PPFIA1: variants seen among roughly 807,000 people sequenced by gnomAD.
PPFIA1 encodes PPFI scaffold protein A1, also known as liprin-alpha-1.
Under a neutral mutation model 149.9 loss-of-function variants are expected in PPFIA1, and 25 were observed. The ratio of observed to expected loss-of-function variants is 0.17; its 90% CI spans 0.12 to 0.23. The LOEUF (loss-of-function observed/expected upper bound fraction) is 0.23, where lower values mean the gene tolerates loss of function less well. Ranked by LOEUF, PPFIA1 falls within the 10% of genes least tolerant of loss-of-function variation. The pLI, the probability that PPFIA1 is intolerant of heterozygous loss-of-function variation, is 1.00. For missense variants in PPFIA1, 1,362 were observed against 1,506.5 expected, an observed-to-expected ratio of 0.90 and a Z score of 1.59; for synonymous variants, 549 against 552.8, an observed-to-expected ratio of 0.99 and a Z score of 0.10.
chr11:70,294,665 A>G (rs987111772), intron 2 of PPFIA1, among the ~76,000 whole-genome samples: 1 of 151,584 alleles, frequency 6.6e-6, no homozygotes, highest in Non-Finnish European at 1.5e-5. Context: ...CAAGTGAACA[A>G]AGGTCTCTGG....
chr11:70,359,613 T>TA (rs2056533256), intron 19 of PPFIA1, among the ~76,000 whole-genome samples: 1 of 152,160 alleles, frequency 6.6e-6, no homozygotes, highest in Admixed American at 6.5e-5. Context: ...TATATTTAGT[T>TA]TCGATAGTTG....
rs1013029347 is a variant in PPFIA1, at chr11:70,358,907, C to G, written c.2582+2653C>G. 2.0e-5 allele frequency among the ~76,000 whole-genome samples: 3 copies of G among 152,170 alleles called. No individual in the cohort carries two copies. In the East Asian group the frequency reaches 5.8e-4, roughly 29 times the overall value. ...CCACAGCACTTTTAGAATTCCCCAGCGTTCTTGAAACACCATCTCTTGAAG... is the reference window on the plus strand; with the variant it reads ...CCACAGCACTTTTAGAATTCCCCAGGGTTCTTGAAACACCATCTCTTGAAG... On this transcript the variant is annotated intron_variant, in intron 19 of 27. Transcript: ENST00000253925.
Position 70,378,209 on chromosome 11 carries a change from C to T in PPFIA1, c.3550+14C>T, listed in dbSNP as rs1375256726. On this transcript the variant is annotated intron_variant, in intron 26 of 27. Coordinates refer to ENST00000253925, the MANE Select transcript of PPFIA1 (RefSeq NM_003626.5). Reference sequence around the variant, plus strand: ...TGCAGATGGACGGTATGTGATGGGTCACACTAACCTGTCACTTGTTGGGAG... The same window carrying T: ...TGCAGATGGACGGTATGTGATGGGTTACACTAACCTGTCACTTGTTGGGAG... The T allele has an allele frequency of 3.7e-6, 6 of 1,606,178 alleles. No individual in the cohort carries two copies. The highest frequency in any genetic ancestry group is 4.3e-6 in the Non-Finnish European group (5 of 1,174,818).
chr11:70,299,013 C>A (rs533224730), intron 2 of PPFIA1, among the ~76,000 whole-genome samples: 104 of 152,132 alleles, frequency 6.8e-4, no homozygotes, highest in African/African-American at 2.5e-3. Flanking sequence ...CTGAGGCAGG[C>A]GGATCACTTG....
chr11:70,339,345 G>A (rs2055171411), intron 14 of PPFIA1, 39 bp downstream of exon 14: 1 of 1,591,106 alleles, frequency 6.3e-7, no homozygotes, highest in Non-Finnish European at 8.6e-7. Flanking sequence ...TTACGTGAAA[G>A]TTACCTACTT....
At chr11:70,336,459 G>A (rs995814339) in intron 11 of PPFIA1, among the ~76,000 whole-genome samples, 7 of 147,812 alleles carry the variant, frequency 4.7e-5, no homozygotes, top group South Asian at 2.1e-4. Flanking sequence ...CCAAGATTGC[G>A]CCACTGTACT....
At chr11:70,297,779 G>A (rs1292112041) in intron 2 of PPFIA1, among the ~76,000 whole-genome samples, 2 of 152,288 alleles carry the variant, frequency 1.3e-5, no homozygotes, top group South Asian at 2.1e-4. Flanking sequence ...GTGCTCCGAG[G>A]TTGTCACCAG....
intron 14 of PPFIA1, among the ~76,000 whole-genome samples, chr11:70,341,352 A>T (rs2055318082): frequency 6.6e-6 from 1 of 151,988 alleles, no homozygotes; most frequent in Non-Finnish European, 1.5e-5. Context: ...GTGTATTGTT[A>T]TGGAGTGCCA....
At chr11:70,295,519 C>A (rs1204229333) in intron 2 of PPFIA1, among the ~76,000 whole-genome samples, 1 of 142,718 alleles carries the variant, frequency 7.0e-6, no homozygotes, top group African/African-American at 2.6e-5. Flanking sequence ...CTGACCCCCC[C>A]CACCTCCCTC....
intron 2 of PPFIA1, among the ~76,000 whole-genome samples, chr11:70,299,589 G>T (rs545084825): frequency 1.3e-3 from 201 of 152,222 alleles, no homozygotes; most frequent in African/African-American, 4.7e-3. Flanking sequence ...CCTCAGCCCT[G>T]TGTTTTGTGA....
Position 70,326,652 on chromosome 11 carries a change from T to G in PPFIA1, c.764T>G (p.Leu255Arg), listed in dbSNP as rs1174500541. The G allele has an allele frequency of 3.1e-6, 5 of 1,614,044 alleles. No homozygotes were observed. The highest frequency in any genetic ancestry group is 4.2e-6 in the Non-Finnish European group (5 of 1,180,038). ...GAAGACCTTGCTAAAGTAATTGAGC[T>G]CCAAGAAATCATAAGTAAGCAGTCA... ...HEEDLAKVIELQEIISKQSRE... is the reference protein window; with the variant it reads ...HEEDLAKVIERQEIISKQSRE... The change falls in exon 7 of 28, where the codon CTC becomes CGC. Residue 255 changes from leucine (L) to arginine (R), a missense_variant. By Grantham distance (102) the Leu-to-Arg change is moderately radical (BLOSUM62 -2). This residue lies in a region of PPFIA1 where 733 missense variants were observed against 744.1 expected (regional missense o/e 0.99). Transcript: ENST00000253925.
intron 2 of PPFIA1, among the ~76,000 whole-genome samples, chr11:70,317,048 T>A (rs752593252): frequency 3.1e-4 from 47 of 152,234 alleles, no homozygotes; most frequent in Admixed American, 2.0e-3. Context: ...AATATTCCGG[T>A]AATTATTGCA....
At chr11:70,379,274 C>T (rs960771279) in intron 26 of PPFIA1, among the ~76,000 whole-genome samples, 17 of 151,544 alleles carry the variant, frequency 1.1e-4, no homozygotes, top group Non-Finnish European at 2.1e-4. Flanking sequence ...ACCAACATGG[C>T]GAAACCCCGT....
chr11:70,290,514 T>G (rs569963305), intron 2 of PPFIA1, among the ~76,000 whole-genome samples: 1 of 152,346 alleles, frequency 6.6e-6, no homozygotes, highest in African/African-American at 2.4e-5. Context: ...ACAAAATGTT[T>G]CCACTTTGTG....
chr11:70,309,303 G>A (rs1423049061), intron 2 of PPFIA1, among the ~76,000 whole-genome samples: 2 of 152,070 alleles, frequency 1.3e-5, no homozygotes, highest in African/African-American at 4.8e-5. Context: ...CCGAGTAGCT[G>A]GGATTACAGG....
chr11:70,350,150 T>A (rs1356940760), intron 16 of PPFIA1: 2 of 326,922 alleles, frequency 6.1e-6, no homozygotes, highest in Non-Finnish European at 1.2e-5. Context: ...CAATGGTAAT[T>A]TAAATTAGTG....
chr11:70,297,927 A>G (rs1363008008), intron 2 of PPFIA1, among the ~76,000 whole-genome samples: 1 of 152,202 alleles, frequency 6.6e-6, no homozygotes, highest in Non-Finnish European at 1.5e-5. Context: ...ATGCCTGACA[A>G]ATGGCAACAG....
Position 70,277,057 on chromosome 11 carries a change from TA to T in PPFIA1, c.264+4622del, listed in dbSNP as rs1388485887. 4.4e-3 allele frequency among the ~76,000 whole-genome samples: 186 copies of T among 42,426 alleles called. 9 individuals carry two copies. Among genetic ancestry groups the T allele is most frequent in the African/African-American group, 0.012 (151 of 12,776 alleles). The allele number at this position is 42,426 out of a possible 152,430, so 27.8% of individuals were successfully genotyped here. A position where few individuals can be genotyped will look rare whatever the true frequency, so the allele number is the denominator to read the frequency against. Reference sequence around the variant, plus strand: ...ATTGAGATATATATATATATATATATATATTTTTTTTTTTCCAGGCACAGTC... The same window carrying T: ...ATTGAGATATATATATATATATATATTATTTTTTTTTTTCCAGGCACAGTC... On this transcript the variant is annotated intron_variant, in intron 2 of 27. Coordinates refer to ENST00000253925, the MANE Select transcript of PPFIA1 (RefSeq NM_003626.5).
intron 2 of PPFIA1, among the ~76,000 whole-genome samples, chr11:70,304,302 C>A (rs2052697101): frequency 2.0e-5 from 3 of 152,076 alleles, no homozygotes; most frequent in African/African-American, 4.8e-5. Context: ...ATCTCTCCTT[C>A]TGCTGTTCAC....
Sources: allele counts gnomAD v4.1 joint callset (sites outside exome capture counted in the v4.1 genomes callset), GRCh38; gene constraint gnomAD v4.1.1; regional missense constraint gnomAD v4.1.1; transcripts MANE v1.5; gene names NCBI Gene and HGNC (gene_info 2026-07-23, HGNC 2026-07-21).